AKT1: variants seen among roughly 807,000 people sequenced by gnomAD.
AKT1 encodes RAC-alpha serine/threonine-protein kinase.
A neutral mutation model predicts 63.1 loss-of-function variants in AKT1; 21 were observed. The observed-to-expected ratio is 0.33, with a 90% CI of 0.24 to 0.48. The LOEUF (loss-of-function observed/expected upper bound fraction) is 0.48, where lower values mean the gene tolerates loss of function less well. Ranked by LOEUF, AKT1 falls within the 20% of genes least tolerant of loss-of-function variation. The pLI is 0.99. For synonymous variants in AKT1, 257 were observed against 253.1 expected, an observed-to-expected ratio of 1.02 and a Z score of -0.15; for missense variants, 382 against 666.0, an observed-to-expected ratio of 0.57 and a Z score of 4.69.
chr14:104,780,636 G>C (rs892991195), intron 3 of AKT1, among the ~76,000 whole-genome samples: 2 of 152,208 alleles, frequency 1.3e-5, no homozygotes, highest in South Asian at 2.1e-4. Flanking sequence ...GGGGCTGACA[G>C]CATTCCCCAA....
chr14:104,776,156 T>C, intron 5 of AKT1: 1 of 238,816 alleles, frequency 4.2e-6, no homozygotes, highest in Non-Finnish European at 8.2e-6. Context: ...CACCGGGTTT[T>C]TCTTTTTTTG....
At chr14:104,776,550 G>A (rs773687670) in intron 5 of AKT1, 109 bp downstream of exon 5, 10 of 907,502 alleles carry the variant, frequency 1.1e-5, no homozygotes, top group Admixed American at 4.8e-5. Flanking sequence ...GGGAGCACTG[G>A]GGAGTGAGGA....
intron 3 of AKT1, among the ~76,000 whole-genome samples, chr14:104,786,025 A>G (rs1227079090): frequency 6.6e-6 from 1 of 152,002 alleles, no homozygotes; most frequent in Non-Finnish European, 1.5e-5. Flanking sequence ...CGGGCCGGCA[A>G]AGGCACCCCA....
At chr14:104,794,460 G>A (rs993751453) in intron 1 of AKT1, 4 of 152,364 alleles carry the variant, frequency 2.6e-5, no homozygotes, top group Non-Finnish European at 5.9e-5. Context: ...TGCCTGTGGG[G>A]GCGGAGGGAC....
intron 10 of AKT1, 26 bp downstream of exon 10, chr14:104,773,429 G>A (rs1397682554): frequency 1.2e-6 from 2 of 1,613,722 alleles, no homozygotes; most frequent in African/African-American, 1.3e-5. Context: ...CCAGGGCCCT[G>A]CCCCCCTGCC....
intron 4 of AKT1, 190 bp from the exon 5 acceptor site, chr14:104,776,960 C>CA: frequency 1.8e-6 from 1 of 566,158 alleles, no homozygotes; most frequent in Non-Finnish European, 3.2e-6. Flanking sequence ...TGTTCCAGCT[C>CA]AGACACTCTA....
chr14:104,782,294 G>A (rs919007055), intron 3 of AKT1, among the ~76,000 whole-genome samples: 16 of 152,120 alleles, frequency 1.1e-4, no homozygotes, highest in African/African-American at 3.6e-4. Flanking sequence ...CCACTCCCCG[G>A]GACGCTAACT....
At chr14:104,783,367 GA>G (rs1362415749) in intron 3 of AKT1, among the ~76,000 whole-genome samples, 8 of 152,054 alleles carry the variant, frequency 5.3e-5, no homozygotes, top group Non-Finnish European at 1.0e-4. Context: ...GACACCCCAG[GA>G]AAAGTGCCCT....
intron 3 of AKT1, among the ~76,000 whole-genome samples, chr14:104,789,854 T>C (rs1893534481): frequency 6.6e-6 from 1 of 152,164 alleles, no homozygotes; most frequent in Non-Finnish European, 1.5e-5. Context: ...AGGCCTCGCC[T>C]GGGTCCAGCC....
At chr14:104,794,119 C>T (rs1389434532) in intron 1 of AKT1, 2 of 152,378 alleles carry the variant, frequency 1.3e-5, no homozygotes, top group Non-Finnish European at 2.9e-5. Flanking sequence ...CACACCTTAC[C>T]CAAAGAGGGA....
At chr14:104,784,083 GGCA>G (rs1417639646) in intron 3 of AKT1, among the ~76,000 whole-genome samples, 1 of 151,956 alleles carries the variant, frequency 6.6e-6, no homozygotes, top group East Asian at 1.9e-4. Context: ...CGGTTCCCTC[GGCA>G]GCGGGGAAGC....
intron 14 of AKT1, 36 bp downstream of exon 14, chr14:104,770,709 A>G: frequency 6.4e-7 from 1 of 1,571,954 alleles, no homozygotes; most frequent in South Asian, 1.1e-5. Context: ...TGTGGAGAGA[A>G]AAGGGAGTGG....
Position 104,775,672 on chromosome 14 carries a change from C to G in AKT1, c.415G>C (p.Ala139Pro), listed in dbSNP as rs1566818045. 1.9e-6 allele frequency: 3 copies of G among 1,613,998 alleles called. No individual in the cohort carries two copies. Among genetic ancestry groups the G allele is most frequent in the Admixed American group, 3.3e-5 (2 of 60,000 alleles). Residue 139 changes from alanine (A) to proline (P), a missense_variant, in exon 6 of 15, where the codon GCC becomes CCC. By Grantham distance (27) the Ala-to-Pro change is conservative (BLOSUM62 -1). This residue lies in a region of AKT1 where 226 missense variants were observed against 366.4 expected (regional missense o/e 0.62). Transcript: ENST00000649815. Reference sequence around the variant, plus strand: ...CTCACCACGCGGTGCTTGGGCTTGGCCAGGGACACCTCCATCTCTTCAGCC... The same window carrying G: ...CTCACCACGCGGTGCTTGGGCTTGGGCAGGGACACCTCCATCTCTTCAGCC... ...SGAEEMEVSL[A>P]KPKHRVTMNE...
Position 104,769,526 on chromosome 14 carries a change from G to T in AKT1, c.*815C>A. On this transcript the variant is annotated 3_prime_UTR_variant, in exon 15 of 15. Transcript: ENST00000649815. ...GCCACCCCCACAGGGAGTCAGGGAG[G>T]GCCTGGGGCGACAGCGGAAAGGTTA... 1.9e-6 allele frequency: 1 copy of T among 533,448 alleles called. No homozygotes were observed. The highest frequency in any genetic ancestry group is 1.5e-5 in the South Asian group (1 of 65,082). 33.0% of individuals were successfully genotyped at this position (533,448 alleles called of 1,614,324 possible).
chr14:104,782,923 G>A (rs550656597), intron 3 of AKT1, among the ~76,000 whole-genome samples: 43 of 152,152 alleles, frequency 2.8e-4, no homozygotes, highest in Non-Finnish European at 5.1e-4. Context: ...GCCGTGGCGC[G>A]CATCTTAACG....
chr14:104,777,401 ACACACCTGGGGCACACG>A, intron 4 of AKT1: 1 of 358,956 alleles, frequency 2.8e-6, no homozygotes, highest in South Asian at 6.1e-5. Flanking sequence ...CACCTGAGGC[ACACACCTGGGGCACACG>A]CACACCTGGG....
At chr14:104,785,727 T>G (rs1893296011) in intron 3 of AKT1, among the ~76,000 whole-genome samples, 1 of 151,990 alleles carries the variant, frequency 6.6e-6, no homozygotes, top group African/African-American at 2.4e-5. Context: ...CTGCAAATTC[T>G]TCACCTCCTT....
At chr14:104,772,199 C>T in intron 13 of AKT1, 166 bp downstream of exon 13, 5 of 718,392 alleles carry the variant, frequency 7.0e-6, no homozygotes, top group East Asian at 2.6e-5. Context: ...CTCTGAGCAC[C>T]AGGCGCTGAG....
In AKT1 at chr14:104,792,696, C is replaced by T. The variant is rs548942912; in HGVS notation, c.-53G>A. The T allele has an allele frequency of 3.1e-5, 50 of 1,597,690 alleles. 1 individual carries two copies. The East Asian group carries it at 8.3e-4, about 26-fold the overall frequency. ...GCGCTCCTCTCAGGCTGGCGCTCCC[C>T]GAGCCCAGCTGGCCTGGCCACAGCC... On this transcript the variant is annotated 5_prime_UTR_variant, in exon 3 of 15. Transcript: ENST00000649815.
Sources: allele counts gnomAD v4.1 joint callset (sites outside exome capture counted in the v4.1 genomes callset), GRCh38; gene constraint gnomAD v4.1.1; regional missense constraint gnomAD v4.1.1; transcripts MANE v1.5; gene names NCBI Gene and HGNC (gene_info 2026-07-23, HGNC 2026-07-21).